The following CCSER1 variants were observed in gnomAD, a reference collection of about 807,000 sequenced individuals.
CCSER1 encodes the protein serine-rich coiled-coil domain-containing protein 1.
CCSER1 carries 41 observed loss-of-function variants against 82.0 expected under a neutral mutation model. That is an observed-to-expected ratio of 0.50 (90% confidence interval 0.39 to 0.65). The LOEUF (loss-of-function observed/expected upper bound fraction) is 0.65. Ranked by LOEUF, CCSER1 falls within the 30% of genes least tolerant of loss-of-function variation. The pLI, the probability that CCSER1 is intolerant of heterozygous loss-of-function variation, is 0.00. For synonymous variants in CCSER1, 414 were observed against 383.9 expected, an observed-to-expected ratio of 1.08 and a Z score of -0.92; for missense variants, 1,119 against 1,064.2, an observed-to-expected ratio of 1.05 and a Z score of -0.72.
intron 3 of CCSER1, among the ~76,000 whole-genome samples, chr4:90,353,120 G>A (rs988699727): frequency 4.6e-5 from 7 of 152,180 alleles, no homozygotes; most frequent in Admixed American, 1.3e-4. Flanking sequence ...TCCCTGAGGT[G>A]TGGACATCTG....
chr4:90,183,008 T>G (rs2153387092), intron 1 of CCSER1, among the ~76,000 whole-genome samples: 1 of 152,198 alleles, frequency 6.6e-6, no homozygotes, highest in East Asian at 1.9e-4. Flanking sequence ...CTCTTTTATC[T>G]CAGTTTTATC....
intron 6 of CCSER1, among the ~76,000 whole-genome samples, chr4:90,663,033 A>T (rs1250737492): frequency 2.0e-5 from 3 of 152,166 alleles, no homozygotes; most frequent in African/African-American, 7.2e-5. Flanking sequence ...GTTCTCTATA[A>T]TGAGAGAGGA....
At chr4:90,610,525 G>T (rs900439062) in intron 5 of CCSER1, among the ~76,000 whole-genome samples, 6 of 151,862 alleles carry the variant, frequency 4.0e-5, no homozygotes, top group Non-Finnish European at 7.4e-5. Context: ...AGCTCTTTTT[G>T]CTTTCTAAGG....
intron 5 of CCSER1, among the ~76,000 whole-genome samples, chr4:90,521,524 A>G (rs1335789834): frequency 2.0e-5 from 3 of 152,310 alleles, no homozygotes; most frequent in African/African-American, 7.2e-5. Context: ...CCTCTGAAAT[A>G]TAACTGTCCA....
intron 10 of CCSER1, among the ~76,000 whole-genome samples, chr4:91,113,788 G>A (rs1726291538): frequency 6.6e-6 from 1 of 151,820 alleles, no homozygotes; most frequent in African/African-American, 2.4e-5. Flanking sequence ...TTTTGAAAAG[G>A]AGCAGATAGA....
chr4:91,516,942 A>T (rs1760156829), intron 10 of CCSER1, among the ~76,000 whole-genome samples: 1 of 151,932 alleles, frequency 6.6e-6, no homozygotes, highest in South Asian at 2.1e-4. Flanking sequence ...CTGTATTCCT[A>T]GGTATTCTTT....
At chr4:90,586,982 C>T (rs1288373140) in intron 5 of CCSER1, among the ~76,000 whole-genome samples, 1 of 152,140 alleles carries the variant, frequency 6.6e-6, no homozygotes, top group Non-Finnish European at 1.5e-5. Flanking sequence ...CCTTCGTGGG[C>T]CTACCATAAT....
intron 6 of CCSER1, among the ~76,000 whole-genome samples, chr4:90,661,904 G>GA (rs890350223): frequency 1.8e-4 from 26 of 142,934 alleles, no homozygotes; most frequent in African/African-American, 2.3e-4. Flanking sequence ...TTCTGCTTAA[G>GA]AAAAAAAAAA....
At chr4:91,463,843 A>G (rs943592771) in intron 10 of CCSER1, among the ~76,000 whole-genome samples, 1 of 152,224 alleles carries the variant, frequency 6.6e-6, no homozygotes, top group South Asian at 2.1e-4. Flanking sequence ...TCCAAGAAAT[A>G]TGGGACTATG....
At position 91,297,385 on chromosome 4, in the gene CCSER1, ATGTGTGTGTG is replaced by A. The variant is rs57164334; in HGVS notation, c.2217+211421_2217+211430del. ...GATGCTTGTGTGTGTGTGTGTGTGT[ATGTGTGTGTG>A]TGTGTGTGTGTGTGTGTGTGTGTGT... On this transcript the variant is annotated intron_variant, in intron 10 of 10. Transcript: ENST00000509176. Among the ~76,000 whole-genome samples, 1,055 of 118,062 alleles carry A rather than the reference ATGTGTGTGTG, an allele frequency of 8.9e-3. 11 individuals are homozygous for A. The highest frequency in any genetic ancestry group is 0.05 in the South Asian group (194 of 3,910). The allele number at this position is 118,062 out of a possible 152,430, so 77.5% of individuals were successfully genotyped here.
At chr4:90,551,681 T>TCTCTCTCTCTCTCC (rs1777501697) in intron 5 of CCSER1, among the ~76,000 whole-genome samples, 1 of 93,832 alleles carries the variant, frequency 1.1e-5, no homozygotes, top group Non-Finnish European at 1.9e-5. Context: ...AATATAATTC[T>TCTCTCTCTCTCTCC]CTCTCTCTCT....
At chr4:90,796,125 C>A (rs1755981231) in intron 7 of CCSER1, among the ~76,000 whole-genome samples, 1 of 151,840 alleles carries the variant, frequency 6.6e-6, no homozygotes. Context: ...TGGTCCTGGG[C>A]TTTTATTGTT....
chr4:90,849,704 G>T (rs1045888870), intron 8 of CCSER1, among the ~76,000 whole-genome samples: 1 of 151,252 alleles, frequency 6.6e-6, no homozygotes, highest in Admixed American at 6.6e-5. Context: ...CAGGAGGATG[G>T]TGTGAACCCA....
chr4:91,163,306 T>A (rs1731644661), intron 10 of CCSER1, among the ~76,000 whole-genome samples: 1 of 152,256 alleles, frequency 6.6e-6, no homozygotes, highest in Non-Finnish European at 1.5e-5. Context: ...CAGTTTGTTG[T>A]GATGTCTGTT....
chr4:90,745,112 A>G (rs1747195351), intron 7 of CCSER1, among the ~76,000 whole-genome samples: 3 of 152,030 alleles, frequency 2.0e-5, no homozygotes, highest in Non-Finnish European at 4.4e-5. Flanking sequence ...AATGGGTCTC[A>G]TGGAAAGAAA....
In CCSER1 at chr4:90,574,249, T is replaced by A. The variant is rs867534927; in HGVS notation, c.1725-53776T>A. 8.7e-5 allele frequency among the ~76,000 whole-genome samples: 12 copies of A among 138,616 alleles called. 1 individual carries two copies. The highest frequency in any genetic ancestry group is 3.3e-4 in the African/African-American group (11 of 33,466). 90.9% of individuals were successfully genotyped at this position (138,616 alleles called of 152,430 possible). ...TGCCATATAGCTTGTAGAAACACAT[T>A]AATTTTTTTTTTTTTTTTTTTTTTT... On this transcript the variant is annotated intron_variant, in intron 5 of 10. Coordinates refer to ENST00000509176, the MANE Select transcript of CCSER1 (RefSeq NM_001145065.2).
chr4:91,412,313 A>G (rs750222009), intron 10 of CCSER1, among the ~76,000 whole-genome samples: 1 of 151,934 alleles, frequency 6.6e-6, no homozygotes, highest in Non-Finnish European at 1.5e-5. Context: ...ACCAACTCAG[A>G]TCCAGCTGTG....
chr4:90,340,860 A>G (rs1262907730), intron 3 of CCSER1, among the ~76,000 whole-genome samples: 1 of 152,110 alleles, frequency 6.6e-6, no homozygotes, highest in Non-Finnish European at 1.5e-5. Context: ...ATTTGTCAAA[A>G]TGAGCAGTCA....
intron 5 of CCSER1, among the ~76,000 whole-genome samples, chr4:90,469,524 A>AACACACACACACACACACACAC (rs3971380): frequency 2.9e-5 from 4 of 136,338 alleles, no homozygotes; most frequent in East Asian, 4.4e-4. Context: ...TTTCCTGCAA[A>AACACACACACACACACACACAC]ACACACACAC....
Sources: allele counts gnomAD v4.1 joint callset (sites outside exome capture counted in the v4.1 genomes callset), GRCh38; gene constraint gnomAD v4.1.1; transcripts MANE v1.5; gene names NCBI Gene and HGNC (gene_info 2026-07-23, HGNC 2026-07-21).